DENND3: variants seen among roughly 807,000 people sequenced by gnomAD.
DENND3 encodes DENN domain-containing protein 3.
A neutral mutation model predicts 135.1 loss-of-function variants in DENND3; 88 were observed. The ratio of observed to expected loss-of-function variants is 0.65; its 90% CI spans 0.55 to 0.78. DENND3 has a LOEUF of 0.78. DENND3 is among the 30% of genes least tolerant of loss of function. The probability of loss-of-function intolerance (pLI) is 0.00; values close to 1 mark genes in which losing one functional copy is unlikely to be tolerated. For synonymous variants in DENND3, 693 were observed against 712.3 expected, an observed-to-expected ratio of 0.97 and a Z score of 0.43; for missense variants, 1,392 against 1,688.4, an observed-to-expected ratio of 0.82 and a Z score of 3.08.
Position 141,181,782 on chromosome 8 carries a change from A to AT in DENND3, c.2944+935dup, listed in dbSNP as rs567879809. 9.3e-4 allele frequency among the ~76,000 whole-genome samples: 141 copies of AT among 151,354 alleles called. 1 individual carries two copies. Among genetic ancestry groups the AT allele is most frequent in the African/African-American group, 3.3e-3 (137 of 40,916 alleles). ...GATTTGTATTTTTTGTGTATTTTTT[A>AT]TTTTTTTGAGTCAGGGTCTTGCTCT... On this transcript the variant is annotated intron_variant, in intron 17 of 22. Transcript: ENST00000519811.
Position 141,158,726 on chromosome 8 carries a change from C to G in DENND3, c.1197-1906C>G, listed in dbSNP as rs189061043. The stretch of plus-strand genomic sequence containing the variant: ...GCAGCCCCCTCCTTGCCCAGCTTTC[C>G]CCAGCACCCTTGGCTCTTGGTCACT... On this transcript the variant is annotated intron_variant, in intron 8 of 22. Transcript: ENST00000519811. Among the ~76,000 whole-genome samples the G allele has an allele frequency of 6.6e-4, 101 of 152,304 alleles. 2 individuals carry two copies. In the East Asian group the frequency reaches 0.017, roughly 26 times the overall value.
Position 141,182,295 on chromosome 8 carries a change from A to G in DENND3, c.2944+1441A>G. On this transcript the variant is annotated intron_variant, in intron 17 of 22. Coordinates refer to ENST00000519811, the MANE Select transcript of DENND3 (RefSeq NM_001352890.3). This position sits in a 1 kb window ranked among gnomAD's most constrained non-coding sequence, Gnocchi z 5.9. ...CTGTGTGTGAAGCGATTTCCCCATA[A>G]GAGAGTTTTTCTCTCTTCATGGCAG... 2.0e-6 allele frequency: 2 copies of G among 985,236 alleles called. No homozygotes were observed. Among genetic ancestry groups the G allele is most frequent in the Non-Finnish European group, 2.4e-6 (2 of 829,840 alleles). The allele number at this position is 985,236 out of a possible 1,614,324, so 61.0% of individuals were successfully genotyped here. A position where few individuals can be genotyped will look rare whatever the true frequency, so the allele number is the denominator to read the frequency against.
chr8:141,189,002 C>T lies in DENND3; in HGVS notation c.3101C>T (p.Ala1034Val). The T allele has an allele frequency of 3.1e-6, 5 of 1,613,764 alleles. No homozygotes were observed. Among genetic ancestry groups the T allele is most frequent in the Non-Finnish European group, 3.4e-6 (4 of 1,179,870 alleles). Residue 1034 changes from alanine to valine, a missense_variant, in exon 19 of 23, where the codon GCC becomes GTC. By Grantham distance (64) the Ala-to-Val change is moderately conservative. Transcript: ENST00000519811. ...TCCTGTTAGAACTGCATGGTGATGG[C>T]CGACCAGAACCAGGTGTGGGTTGGC... ...GTAKVNCMVM[A>V]DQNQVWVGSE...
chr8:141,191,536 A>G (rs1026230920), intron 20 of DENND3: 1 of 152,240 alleles, frequency 6.6e-6, no homozygotes, highest in Admixed American at 6.5e-5. Context: ...CTCAGGCTTC[A>G]TTTCTTCACA....
chr8:141,173,006 CCAGT>C (rs1041067633), intron 13 of DENND3, among the ~76,000 whole-genome samples: 1 of 150,222 alleles, frequency 6.7e-6, no homozygotes, highest in African/African-American at 2.4e-5. Context: ...CTGAGGCACC[CCAGT>C]CAGAGGCGGA....
chr8:141,143,319 C>T (rs776041862), intron 4 of DENND3, among the ~76,000 whole-genome samples: 5 of 152,096 alleles, frequency 3.3e-5, no homozygotes, highest in Admixed American at 6.5e-5. Context: ...ATGTGCACAA[C>T]GTGCAGGTTT....
intron 5 of DENND3, among the ~76,000 whole-genome samples, chr8:141,145,803 TTATA>T (rs60546894): frequency 0.022 from 1,907 of 86,482 alleles, 23 homozygotes; most frequent in Non-Finnish European, 0.031. Flanking sequence ...ATATTGAATA[TTATA>T]TATATATATA....
chr8:141,190,214 T>C (rs1460666238), intron 19 of DENND3, 70 bp from the exon 20 acceptor site: 1 of 1,453,034 alleles, frequency 6.9e-7, no homozygotes, highest in Non-Finnish European at 9.1e-7. Flanking sequence ...GGTTCTCTCT[T>C]GGGTTAAAAT....
At chr8:141,136,106 T>C (rs1236386595) in intron 1 of DENND3, among the ~76,000 whole-genome samples, 2 of 152,192 alleles carry the variant, frequency 1.3e-5, no homozygotes, top group African/African-American at 2.4e-5. Flanking sequence ...CGGACCCACA[T>C]TGTCTCTGTT....
chr8:141,142,656 G>A, intron 4 of DENND3: 1 of 272,208 alleles, frequency 3.7e-6, no homozygotes, highest in Non-Finnish European at 7.3e-6. Context: ...GCACATGCAT[G>A]TTTGTTGACT....
Position 141,193,946 on chromosome 8 carries a change from G to GC in DENND3, c.3637-86dup. On this transcript the variant is annotated intron_variant, in intron 22 of 22. Transcript: ENST00000519811. Reference sequence around the variant, plus strand: ...GAAGGACATAGATTTGGAGGCACACGCGTCAATTCTGGGTAGCCGGGCAAA... The same window carrying GC: ...GAAGGACATAGATTTGGAGGCACACGCCGTCAATTCTGGGTAGCCGGGCAAA... 7 of 1,414,686 alleles carry GC rather than the reference G, an allele frequency of 4.9e-6. 1 individual carries two copies. The South Asian group carries it at 8.7e-5, about 18-fold the overall frequency. The allele number at this position is 1,414,686 out of a possible 1,614,324, so 87.6% of individuals were successfully genotyped here.
At chr8:141,165,367 G>A (rs1820643930) in intron 11 of DENND3, 78 bp downstream of exon 11, 4 of 1,160,458 alleles carry the variant, frequency 3.4e-6, no homozygotes, top group African/African-American at 1.5e-5. Flanking sequence ...ATTCGAATGA[G>A]TAAATGAGAA....
At chr8:141,163,066 G>GTA (rs1250188031) in intron 9 of DENND3, among the ~76,000 whole-genome samples, 1 of 152,206 alleles carries the variant, frequency 6.6e-6, no homozygotes. Context: ...TGACTTTTGT[G>GTA]TCTTAATTTG....
intron 7 of DENND3, 52 bp downstream of exon 7, chr8:141,151,889 CG>C (rs1195259711): frequency 1.9e-6 from 3 of 1,597,130 alleles, no homozygotes; most frequent in Admixed American, 1.7e-5. Flanking sequence ...GAGTCCATCA[CG>C]GGGACACATG....
chr8:141,136,868 A>AGGCAGAGGGAAGTGACGTGAGC, intron 2 of DENND3, 77 bp downstream of exon 2: 1 of 1,438,712 alleles, frequency 7.0e-7, no homozygotes, highest in African/African-American at 1.4e-5. Flanking sequence ...AGAAACCCAC[A>AGGCAGAGGGAAGTGACGTGAGC]GGCAGAGGGA....
intron 8 of DENND3, among the ~76,000 whole-genome samples, chr8:141,160,078 G>T (rs1311219044): frequency 2.0e-5 from 3 of 152,220 alleles, no homozygotes; most frequent in African/African-American, 4.8e-5. Context: ...GGCAGGACAG[G>T]AATGAGCTGG....
At chr8:141,171,193 G>A (rs1465985160) in intron 13 of DENND3, among the ~76,000 whole-genome samples, 1 of 152,136 alleles carries the variant, frequency 6.6e-6, no homozygotes, top group African/African-American at 2.4e-5. Flanking sequence ...TTGGCCAAAT[G>A]GGCATTTGTT....
chr8:141,180,198 G>A (rs1471960068), intron 16 of DENND3, among the ~76,000 whole-genome samples: 2 of 152,212 alleles, frequency 1.3e-5, no homozygotes, highest in African/African-American at 2.4e-5. Context: ...TTGTGTGTGA[G>A]GTGCTACTGG....
chr8:141,142,291 T>C (rs1271904600), intron 4 of DENND3: 1 of 439,380 alleles, frequency 2.3e-6, no homozygotes, highest in East Asian at 7.1e-5. Flanking sequence ...TATATTTGTT[T>C]GATTAAAGGC....
Sources: gnomAD v4.1 joint callset for allele counts (sites outside exome capture counted in the v4.1 genomes callset) on GRCh38, gnomAD v4.1.1 for gene constraint, Gnocchi (gnomAD v3.1) non-coding constraint, MANE v1.5 for transcripts, NCBI Gene and HGNC (gene_info 2026-07-23, HGNC 2026-07-21) for gene names.